CHN2: variants seen among roughly 807,000 people sequenced by gnomAD.
The protein encoded by CHN2 is chimerin 2, also known as beta-chimaerin.
In CHN2, 35 loss-of-function variants were observed where a neutral mutation model predicts 56.3. The ratio of observed to expected loss-of-function variants is 0.62; its 90% confidence interval spans 0.47 to 0.82. CHN2 has a LOEUF of 0.82. CHN2 is among the 40% of genes least tolerant of loss of function. CHN2 has a pLI of 0.00. For synonymous variants in CHN2, 210 were observed against 212.8 expected (o/e 0.99, Z 0.12); for missense variants, 491 against 580.5 (o/e 0.85, Z 1.58).
chr7:29,350,290 T>A (rs1299705024), intron 1 of CHN2, among the ~76,000 whole-genome samples: 1 of 134,474 alleles, frequency 7.4e-6, no homozygotes, highest in Non-Finnish European at 1.5e-5. Context: ...TGAAAACCTA[T>A]TTTTTTTTTA....
chr7:29,167,296 A>T (rs1182731555), intron 2 of CHN2, among the ~76,000 whole-genome samples: 1 of 152,150 alleles, frequency 6.6e-6, no homozygotes, highest in Non-Finnish European at 1.5e-5. Context: ...TTTTCATTCA[A>T]TATGTTTCTG....
chr7:29,387,628 T>C (rs1352346208), intron 3 of CHN2, among the ~76,000 whole-genome samples: 1 of 152,234 alleles, frequency 6.6e-6, no homozygotes, highest in Non-Finnish European at 1.5e-5. Flanking sequence ...GGCCCCGTGA[T>C]CACACTCTGA....
intron 1 of CHN2, among the ~76,000 whole-genome samples, chr7:29,199,170 G>C (rs911889305): frequency 2.6e-5 from 4 of 152,100 alleles, no homozygotes; most frequent in Non-Finnish European, 4.4e-5. Context: ...TGATAAATAG[G>C]AATTTTCATT....
chr7:29,400,922 G>C, intron 6 of CHN2, 94 bp downstream of exon 6: 1 of 1,266,350 alleles, frequency 7.9e-7, no homozygotes, highest in African/African-American at 1.5e-5. Context: ...AAATGTTGGA[G>C]GAGACCCACC....
At chr7:29,503,244 T>C (rs757868528) in intron 9 of CHN2, among the ~76,000 whole-genome samples, 1 of 152,104 alleles carries the variant, frequency 6.6e-6, no homozygotes, top group Non-Finnish European at 1.5e-5. Flanking sequence ...GCAAGCTCGC[T>C]CTCTCACTCT....
chr7:29,453,838 T>C (rs1248203385), intron 6 of CHN2, among the ~76,000 whole-genome samples: 9 of 152,214 alleles, frequency 5.9e-5, no homozygotes, highest in African/African-American at 2.2e-4. Context: ...TAAAACGCTG[T>C]CACAGTTGAT....
intron 3 of CHN2, among the ~76,000 whole-genome samples, chr7:29,387,438 G>A (rs777443323): frequency 5.3e-5 from 8 of 152,152 alleles, no homozygotes; most frequent in South Asian, 2.1e-4. Context: ...CTTGTTTTCC[G>A]AATACTCACT....
intron 7 of CHN2, among the ~76,000 whole-genome samples, chr7:29,481,291 A>C (rs1261840422): frequency 6.6e-6 from 1 of 152,234 alleles, no homozygotes; most frequent in South Asian, 2.1e-4. Context: ...TCTTTTAAAA[A>C]AATTCTTGTT....
At chr7:29,343,917 C>G (rs1350318450) in intron 1 of CHN2, among the ~76,000 whole-genome samples, 1 of 152,224 alleles carries the variant, frequency 6.6e-6, no homozygotes, top group Non-Finnish European at 1.5e-5. Flanking sequence ...TCAGCCATCG[C>G]TTTCCAGCAG....
chr7:29,379,670 G>T (rs1330629240), intron 3 of CHN2, among the ~76,000 whole-genome samples: 1 of 152,146 alleles, frequency 6.6e-6, no homozygotes, highest in Non-Finnish European at 1.5e-5. Flanking sequence ...ACGTCAAGAA[G>T]AAAAAATGAA....
At chr7:29,347,513 GGAGA>G (rs890121098) in intron 1 of CHN2, among the ~76,000 whole-genome samples, 24 of 151,948 alleles carry the variant, frequency 1.6e-4, no homozygotes, top group African/African-American at 5.8e-4. Flanking sequence ...AGGTGGCAAG[GGAGA>G]GAGAGAGCAA....
chr7:29,442,047 G>A (rs561684570), intron 6 of CHN2, among the ~76,000 whole-genome samples: 2 of 152,184 alleles, frequency 1.3e-5, no homozygotes, highest in Non-Finnish European at 2.9e-5. Flanking sequence ...ATCAACACAT[G>A]CTTGGATAAA....
chr7:29,471,829 A>C (rs542723931), intron 6 of CHN2, among the ~76,000 whole-genome samples: 7 of 152,182 alleles, frequency 4.6e-5, no homozygotes, highest in Non-Finnish European at 1.0e-4. Context: ...AACCAGGACT[A>C]TACAGCTTGA....
intron 6 of CHN2, among the ~76,000 whole-genome samples, chr7:29,435,894 C>CT (rs57786505): frequency 0.15 from 20,982 of 137,310 alleles, 1,846 homozygotes; most frequent in African/African-American, 0.24. Flanking sequence ...GAAGCGCCTC[C>CT]TTTTTTTTTT....
At chr7:29,215,323 C>T (rs1785251335) in intron 1 of CHN2, among the ~76,000 whole-genome samples, 1 of 152,180 alleles carries the variant, frequency 6.6e-6, no homozygotes, top group Non-Finnish European at 1.5e-5. Context: ...CCGTCCTCTG[C>T]ATTCACTGTC....
chr7:29,370,776 A>C (rs1228223111), intron 3 of CHN2, among the ~76,000 whole-genome samples: 3 of 152,168 alleles, frequency 2.0e-5, no homozygotes, highest in Non-Finnish European at 4.4e-5. Flanking sequence ...GTCTGCCTTG[A>C]TACATGGTGG....
intron 1 of CHN2, chr7:29,335,772 T>TTGCACTG (rs1179112689): frequency 3.3e-5 from 5 of 152,276 alleles, no homozygotes; most frequent in Non-Finnish European, 5.9e-5. Context: ...TTTGCCTCAG[T>TTGCACTG]TGCACTGTGC....
intron 2 of CHN2, among the ~76,000 whole-genome samples, chr7:29,356,053 G>A (rs1798296762): frequency 6.6e-6 from 1 of 151,968 alleles, no homozygotes; most frequent in South Asian, 2.1e-4. Flanking sequence ...AAATTGCTGG[G>A]ATTACAGGCA....
At chr7:29,419,766 G>A (rs1379448799) in intron 6 of CHN2, among the ~76,000 whole-genome samples, 1 of 152,172 alleles carries the variant, frequency 6.6e-6, no homozygotes, top group African/African-American at 2.4e-5. Context: ...TTAAGGAAAT[G>A]CAAATGAAAA....
Sources: allele counts gnomAD v4.1 joint callset (sites outside exome capture counted in the v4.1 genomes callset), GRCh38; gene constraint gnomAD v4.1.1; transcripts MANE v1.5; gene names NCBI Gene and HGNC (gene_info 2026-07-23, HGNC 2026-07-21).